The following CSGALNACT1 variants were observed in gnomAD, a reference collection of about 807,000 sequenced individuals.
CSGALNACT1 encodes the protein beta4GalNAcT-1.
CSGALNACT1 carries 52 observed loss-of-function variants against 51.0 expected under a neutral mutation model. The observed-to-expected ratio is 1.02, with a 90% CI of 0.82 to 1.29. CSGALNACT1 has a LOEUF of 1.29. Ranked by LOEUF, CSGALNACT1 falls within the 50% of genes most tolerant of loss-of-function variation. CSGALNACT1 has a pLI of 0.00. For missense variants in CSGALNACT1, 935 were observed against 679.2 expected, an observed-to-expected ratio of 1.38 and a Z score of -4.19; for synonymous variants, 341 against 254.4, an observed-to-expected ratio of 1.34 and a Z score of -3.24.
chr8:19,635,570 C>T (rs1308499731), intron 1 of CSGALNACT1, among the ~76,000 whole-genome samples: 1 of 152,194 alleles, frequency 6.6e-6, no homozygotes, highest in East Asian at 1.9e-4. Flanking sequence ...TCACCAGATA[C>T]TTAACTGCTC....
At chr8:19,442,268 A>G (rs1432482502) in intron 5 of CSGALNACT1, among the ~76,000 whole-genome samples, 1 of 152,182 alleles carries the variant, frequency 6.6e-6, no homozygotes, top group Non-Finnish European at 1.5e-5. Context: ...ACACATGCAC[A>G]TGTATGTTTA....
chr8:19,504,548 A>C (rs1050169032), intron 4 of CSGALNACT1, among the ~76,000 whole-genome samples: 1 of 152,178 alleles, frequency 6.6e-6, no homozygotes, highest in African/African-American at 2.4e-5. Context: ...ACACAAACAC[A>C]AATTAATACT....
At chr8:19,419,419 C>T (rs937956302) in intron 7 of CSGALNACT1, among the ~76,000 whole-genome samples, 1 of 152,188 alleles carries the variant, frequency 6.6e-6, no homozygotes, top group African/African-American at 2.4e-5. Context: ...GTCAGGGTGA[C>T]TTTGGGCAGT....
At chr8:19,705,318 G>C (rs2062095795) in intron 1 of CSGALNACT1, among the ~76,000 whole-genome samples, 1 of 152,026 alleles carries the variant, frequency 6.6e-6, no homozygotes, top group African/African-American at 2.4e-5. Flanking sequence ...CATTAACTCA[G>C]GGAAAAACTG....
intron 3 of CSGALNACT1, among the ~76,000 whole-genome samples, chr8:19,574,993 C>A (rs1379484933): frequency 6.6e-6 from 1 of 151,882 alleles, no homozygotes; most frequent in Non-Finnish European, 1.5e-5. Flanking sequence ...TGAGATAGCG[C>A]CACTGCACTC....
chr8:19,733,364 G>A (rs1469133341), intron 1 of CSGALNACT1, among the ~76,000 whole-genome samples: 3 of 152,082 alleles, frequency 2.0e-5, no homozygotes, highest in African/African-American at 7.2e-5. Flanking sequence ...TTATTAATGT[G>A]GAATTCTATT....
intron 1 of CSGALNACT1, among the ~76,000 whole-genome samples, chr8:19,638,876 G>A (rs755638016): frequency 2.6e-5 from 4 of 151,890 alleles, no homozygotes; most frequent in Non-Finnish European, 4.4e-5. Flanking sequence ...AGCATACACC[G>A]AGACTTACTT....
chr8:19,502,573 A>G (rs1046280529), intron 4 of CSGALNACT1, among the ~76,000 whole-genome samples: 2 of 152,188 alleles, frequency 1.3e-5, no homozygotes, highest in African/African-American at 4.8e-5. Flanking sequence ...TGGAACTCTC[A>G]AAGTGTGGAG....
chr8:19,721,061 G>A (rs2063100024), intron 1 of CSGALNACT1, among the ~76,000 whole-genome samples: 2 of 152,188 alleles, frequency 1.3e-5, no homozygotes, highest in African/African-American at 4.8e-5. Context: ...AAGAATCAGT[G>A]ACCAAACAGT....
At chr8:19,565,423 T>A (rs1471209174) in intron 3 of CSGALNACT1, among the ~76,000 whole-genome samples, 2 of 152,226 alleles carry the variant, frequency 1.3e-5, no homozygotes, top group African/African-American at 2.4e-5. Flanking sequence ...ATGTAATTTT[T>A]AAAAATTAAA....
intron 1 of CSGALNACT1, among the ~76,000 whole-genome samples, chr8:19,641,284 A>G (rs1177199512): frequency 1.3e-5 from 2 of 152,094 alleles, no homozygotes; most frequent in Non-Finnish European, 2.9e-5. Flanking sequence ...CGTCCTGGGG[A>G]GTCTGGGCTT....
chr8:19,631,550 G>C (rs1289131452), intron 1 of CSGALNACT1, among the ~76,000 whole-genome samples: 1 of 152,194 alleles, frequency 6.6e-6, no homozygotes, highest in East Asian at 1.9e-4. Context: ...GGGCTCCAGT[G>C]AGAACAAAAT....
intron 4 of CSGALNACT1, among the ~76,000 whole-genome samples, chr8:19,490,499 G>C (rs1281412547): frequency 6.6e-6 from 1 of 152,188 alleles, no homozygotes; most frequent in African/African-American, 2.4e-5. Flanking sequence ...CACCAGGAAA[G>C]GGACTCTGAC....
Position 19,657,082 on chromosome 8 carries a change from A to G in CSGALNACT1, c.-544+25391T>C, listed in dbSNP as rs1196929212. 2.9e-5 allele frequency among the ~76,000 whole-genome samples: 4 copies of G among 140,008 alleles called. No individual in the cohort carries two copies. The East Asian group carries it at 8.3e-4, about 29-fold the overall frequency. 91.9% of individuals were successfully genotyped at this position (140,008 alleles called of 152,430 possible). On this transcript the variant is annotated intron_variant, in intron 1 of 9. Coordinates refer to the CSGALNACT1 transcript ENST00000332246. Reference sequence around the variant, plus strand: ...CATCTCATTAAAAAAAAAAAAAAAAAGGAAAACAAATAAAACCATGTAAAA... The same window carrying G: ...CATCTCATTAAAAAAAAAAAAAAAAGGGAAAACAAATAAAACCATGTAAAA...
intron 1 of CSGALNACT1, among the ~76,000 whole-genome samples, chr8:19,740,544 G>T (rs1254352344): frequency 2.0e-5 from 3 of 152,202 alleles, no homozygotes; most frequent in Admixed American, 6.5e-5. Flanking sequence ...CTTGAGCCTG[G>T]TGTTTGGATA....
chr8:19,561,316 TAATGAA>T (rs1210447929), intron 3 of CSGALNACT1, among the ~76,000 whole-genome samples: 4 of 152,204 alleles, frequency 2.6e-5, no homozygotes, highest in African/African-American at 9.6e-5. Flanking sequence ...TTTGGTCTTA[TAATGAA>T]AATGACAGAA....
chr8:19,579,482 T>G (rs1342090030), intron 3 of CSGALNACT1, among the ~76,000 whole-genome samples: 1 of 152,234 alleles, frequency 6.6e-6, no homozygotes, highest in African/African-American at 2.4e-5. Context: ...TCTAAGTCTC[T>G]TTCATAATTC....
At chr8:19,731,065 A>C (rs1018290875) in intron 1 of CSGALNACT1, among the ~76,000 whole-genome samples, 2 of 152,182 alleles carry the variant, frequency 1.3e-5, no homozygotes, top group South Asian at 2.1e-4. Context: ...AAGAAAAGGA[A>C]TCATGAGCCT....
At chr8:19,662,195 T>C (rs1384096245) in intron 1 of CSGALNACT1, among the ~76,000 whole-genome samples, 1 of 149,666 alleles carries the variant, frequency 6.7e-6, no homozygotes, top group Non-Finnish European at 1.5e-5. Context: ...AGGCAGGTGA[T>C]CAACATGGTG....
Sources: gnomAD v4.1 joint callset for allele counts (sites outside exome capture counted in the v4.1 genomes callset) on GRCh38, gnomAD v4.1.1 for gene constraint, MANE v1.5 for transcripts, NCBI Gene and HGNC (gene_info 2026-07-23, HGNC 2026-07-21) for gene names.